MACROD2: variants seen among roughly 807,000 people sequenced by gnomAD.
MACROD2 encodes the protein mono-ADP ribosylhydrolase 2, also known as ADP-ribose glycohydrolase MACROD2.
Under a neutral mutation model 70.4 loss-of-function variants are expected in MACROD2, and 36 were observed. The observed-to-expected ratio is 0.51, with a 90% CI of 0.39 to 0.68. MACROD2 has a LOEUF of 0.68. MACROD2 is among the 30% of genes least tolerant of loss of function. The pLI, the probability that MACROD2 is intolerant of heterozygous loss-of-function variation, is 0.00. For synonymous variants in MACROD2, 172 were observed against 178.8 expected (o/e 0.96, Z 0.30); for missense variants, 496 against 538.4 (o/e 0.92, Z 0.78).
At chr20:15,251,811 G>A (rs1417405763) in intron 6 of MACROD2, among the ~76,000 whole-genome samples, 2 of 152,022 alleles carry the variant, frequency 1.3e-5, no homozygotes, top group Non-Finnish European at 2.9e-5. Flanking sequence ...AGAAAGTTCC[G>A]GGTAACAACC....
chr20:14,368,264 G>T (rs1428832080), intron 3 of MACROD2, among the ~76,000 whole-genome samples: 3 of 152,138 alleles, frequency 2.0e-5, no homozygotes, highest in Non-Finnish European at 2.9e-5. Context: ...TTAAAACTGG[G>T]CATATAGGCC....
intron 3 of MACROD2, among the ~76,000 whole-genome samples, chr20:14,357,614 C>G (rs1282001104): frequency 6.6e-6 from 1 of 152,106 alleles, no homozygotes; most frequent in Admixed American, 6.6e-5. Flanking sequence ...GTAGTGGTTC[C>G]TCAGGGCAAA....
chr20:15,185,162 T>C (rs1313828204), intron 5 of MACROD2, among the ~76,000 whole-genome samples: 3 of 152,162 alleles, frequency 2.0e-5, no homozygotes, highest in Non-Finnish European at 4.4e-5. Context: ...TTACCAGACA[T>C]CTAGGGGTTC....
intron 3 of MACROD2, among the ~76,000 whole-genome samples, chr20:14,392,200 A>G (rs1240643903): frequency 6.6e-6 from 1 of 152,082 alleles, no homozygotes; most frequent in African/African-American, 2.4e-5. Flanking sequence ...TATTTCAAGA[A>G]TTGTTATGTA....
chr20:15,691,550 A>G (rs898301168), intron 8 of MACROD2, among the ~76,000 whole-genome samples: 1 of 152,202 alleles, frequency 6.6e-6, no homozygotes, highest in South Asian at 2.1e-4. Flanking sequence ...ACAAGAGAAA[A>G]TATAGCAGTC....
In MACROD2 at chr20:14,291,195, T is replaced by G. The variant is rs192946143; in HGVS notation, c.272-202284T>G. 1.2e-3 allele frequency among the ~76,000 whole-genome samples: 185 copies of G among 152,196 alleles called. 2 individuals carry two copies. The highest frequency in any genetic ancestry group is 4.7e-4 in the Non-Finnish European group (32 of 68,018). ...TGACAAATATTAGATAAGACTAGAG[T>G]CAAAAAGGATAGAAATTAGAACAGG... On this transcript the variant is annotated intron_variant, in intron 3 of 17. Transcript: ENST00000684519.
rs539494390 is a variant in MACROD2, at chr20:14,118,141, A to G, written c.271+32413A>G. Reference sequence around the variant, plus strand: ...TTATACAGCAATAAAAGTGAATACAATAGTATATTAACCATTTGTGGTATT... The same window carrying G: ...TTATACAGCAATAAAAGTGAATACAGTAGTATATTAACCATTTGTGGTATT... On this transcript the variant is annotated intron_variant, in intron 3 of 17. Transcript: ENST00000684519. Among the ~76,000 whole-genome samples the G allele has an allele frequency of 2.6e-5, 4 of 152,330 alleles. No individual in the cohort carries two copies. In the South Asian group the frequency reaches 6.2e-4, roughly 24 times the overall value.
chr20:14,133,329 TTAA>T (rs1340829802), intron 3 of MACROD2, among the ~76,000 whole-genome samples: 1 of 152,212 alleles, frequency 6.6e-6, no homozygotes, highest in Non-Finnish European at 1.5e-5. Flanking sequence ...CACAGTACAG[TTAA>T]TGAGTTATCA....
chr20:14,971,877 T>C (rs1035970697), intron 5 of MACROD2, among the ~76,000 whole-genome samples: 2 of 152,180 alleles, frequency 1.3e-5, no homozygotes, highest in African/African-American at 4.8e-5. Context: ...GGAGCCGCCA[T>C]GTTGGACATG....
intron 4 of MACROD2, among the ~76,000 whole-genome samples, chr20:14,555,499 T>A (rs911332669): frequency 1.3e-5 from 2 of 152,070 alleles, no homozygotes; most frequent in African/African-American, 4.8e-5. Context: ...TACTTTCATT[T>A]AATTCTTCAA....
intron 8 of MACROD2, among the ~76,000 whole-genome samples, chr20:15,650,139 G>C (rs461363): frequency 0.024 from 3,592 of 152,264 alleles, 173 homozygotes; most frequent in East Asian, 0.2. Context: ...AGGACTTGCT[G>C]CTTCTGGTTT....
At chr20:15,003,477 G>A (rs573724101) in intron 5 of MACROD2, among the ~76,000 whole-genome samples, 1 of 152,298 alleles carries the variant, frequency 6.6e-6, no homozygotes, top group South Asian at 2.1e-4. Flanking sequence ...GATCATAAGA[G>A]TCTAATAATA....
At chr20:14,272,766 C>T (rs557008103) in intron 3 of MACROD2, among the ~76,000 whole-genome samples, 1 of 152,258 alleles carries the variant, frequency 6.6e-6, no homozygotes, top group East Asian at 1.9e-4. Flanking sequence ...CATGCAGAGA[C>T]ACACATAAGC....
At chr20:14,014,986 T>G (rs1371728828) in intron 2 of MACROD2, among the ~76,000 whole-genome samples, 2 of 90,682 alleles carry the variant, frequency 2.2e-5, no homozygotes, top group Admixed American at 1.1e-4. Flanking sequence ...TTTTTTTTTT[T>G]GTAGAGGTGG....
chr20:15,933,934 C>G (rs6135612), intron 11 of MACROD2, among the ~76,000 whole-genome samples: 1 of 151,900 alleles, frequency 6.6e-6, no homozygotes, highest in South Asian at 2.1e-4. Flanking sequence ...TATTCCACAC[C>G]GTAGATTATA....
rs1779773556 is a variant in MACROD2 at position 14,522,169 on chromosome 20, A to G, written c.301+28661A>G. 2.0e-5 allele frequency among the ~76,000 whole-genome samples: 3 copies of G among 152,166 alleles called. No individual in the cohort carries two copies. The South Asian group carries it at 6.2e-4, about 32-fold the overall frequency. ...TGGGTGAAATGGTGTTAAATATAAT[A>G]TATTTGAAAACGATTGGGTTAAAAA... On this transcript the variant is annotated intron_variant, in intron 4 of 17. Transcript: ENST00000684519.
At position 15,981,723 on chromosome 20, in the gene MACROD2, G is replaced by A. The variant is rs374121446; in HGVS notation, c.986-5004G>A. Among the ~76,000 whole-genome samples the A allele has an allele frequency of 4.1e-4, 62 of 152,114 alleles. 1 individual carries two copies. The highest frequency in any genetic ancestry group is 6.8e-3 in the Middle Eastern group (2 of 294). ...GTCTTTGAACCTCCTTTCTTATTAG[G>A]CTGTTTATGCTAGGGTCTAGTCTTT... On this transcript the variant is annotated intron_variant, in intron 13 of 17. Transcript: ENST00000684519.
chr20:15,588,427 C>T (rs190045080), intron 8 of MACROD2, among the ~76,000 whole-genome samples: 145 of 152,316 alleles, frequency 9.5e-4, no homozygotes, highest in Non-Finnish European at 1.6e-3. Flanking sequence ...TAACATTAGG[C>T]TGCTTGCTAC....
chr20:14,745,348 A>C (rs1568771882), intron 5 of MACROD2, among the ~76,000 whole-genome samples: 1 of 152,294 alleles, frequency 6.6e-6, no homozygotes, highest in South Asian at 2.1e-4. Flanking sequence ...GGCCTATATG[A>C]GTATGGTAGA....
Sources: allele counts gnomAD v4.1 joint callset (sites outside exome capture counted in the v4.1 genomes callset), GRCh38; gene constraint gnomAD v4.1.1; transcripts MANE v1.5; gene names NCBI Gene and HGNC (gene_info 2026-07-23, HGNC 2026-07-21).